The following CHAF1B variants were observed in gnomAD, a reference collection of about 807,000 sequenced individuals.
The protein encoded by CHAF1B is chromatin assembly factor 1 subunit B.
A neutral mutation model predicts 60.7 loss-of-function variants in CHAF1B; 10 were observed. The ratio of observed to expected loss-of-function variants is 0.16; its 90% CI spans 0.10 to 0.28. The LOEUF (loss-of-function observed/expected upper bound fraction) is 0.28, where lower values mean the gene tolerates loss of function less well. CHAF1B is among the 10% of genes least tolerant of loss of function. CHAF1B has a pLI of 1.00. For missense variants in CHAF1B, 558 were observed against 708.4 expected (o/e 0.79, Z 2.41); for synonymous variants, 261 against 266.1 (o/e 0.98, Z 0.19).
chr21:36,388,475 T>G (rs1489148695), intron 3 of CHAF1B, among the ~76,000 whole-genome samples: 1 of 150,392 alleles, frequency 6.6e-6, no homozygotes, highest in Non-Finnish European at 1.5e-5. Context: ...GGAGTTTTTT[T>G]TTTTTTTTTT....
intron 3 of CHAF1B, among the ~76,000 whole-genome samples, chr21:36,391,109 A>G (rs546656541): frequency 3.3e-5 from 5 of 152,204 alleles, no homozygotes; most frequent in African/African-American, 7.2e-5. Context: ...ATGCCTTCAG[A>G]TTTATTAATG....
At position 36,415,418 on chromosome 21, in the gene CHAF1B, A is replaced by C. The variant is rs367799372; in HGVS notation, c.1588+29A>C. 90 of 1,335,568 alleles carry C rather than the reference A, an allele frequency of 6.7e-5. No individual in the cohort carries two copies. In the East Asian group the frequency reaches 8.5e-4, roughly 13 times the overall value. The allele number at this position is 1,335,568 out of a possible 1,614,324, so 82.7% of individuals were successfully genotyped here. A position where few individuals can be genotyped will look rare whatever the true frequency, so the allele number is the denominator to read the frequency against. ...AGTAATATTGTTACTGGTTTAATAT[A>C]ATGAAAGGTAGAGTATCTTTTCTTT... On this transcript the variant is annotated intron_variant, in intron 13 of 13. Coordinates refer to ENST00000314103, the MANE Select transcript of CHAF1B (RefSeq NM_005441.3).
chr21:36,416,469 C>A lies in CHAF1B; in HGVS notation c.*103C>A. ...ACCAGGGCTTCCATGGAGCGGGACA[C>A]ACTGTAAATGGATTTCTATAACAGA... On this transcript the variant is annotated 3_prime_UTR_variant, in exon 14 of 14. Coordinates refer to ENST00000314103, the MANE Select transcript of CHAF1B (RefSeq NM_005441.3). 1.3e-6 allele frequency: 1 copy of A among 775,316 alleles called. No homozygotes were observed. The highest frequency in any genetic ancestry group is 2.0e-6 in the Non-Finnish European group (1 of 490,230). The allele number at this position is 775,316 out of a possible 1,614,324, so 48.0% of individuals were successfully genotyped here.
At chr21:36,391,907 ATTTTTTTTT>A (rs55920360) in intron 4 of CHAF1B, among the ~76,000 whole-genome samples, 1 of 67,052 alleles carries the variant, frequency 1.5e-5, no homozygotes, top group Non-Finnish European at 2.5e-5. Context: ...TGATTTTTAA[ATTTTTTTTT>A]TTTTTTTTTT....
intron 4 of CHAF1B, among the ~76,000 whole-genome samples, chr21:36,392,308 C>G (rs138148812): frequency 0.088 from 13,466 of 152,176 alleles, 1,205 homozygotes; most frequent in East Asian, 0.42. Flanking sequence ...AAAATGGAGT[C>G]TCCTATGTCT....
At chr21:36,410,172 A>G (rs983072796) in intron 10 of CHAF1B, among the ~76,000 whole-genome samples, 1 of 152,150 alleles carries the variant, frequency 6.6e-6, no homozygotes, top group Non-Finnish European at 1.5e-5. Context: ...CATGTTGGCC[A>G]GGCTGGTCTC....
At chr21:36,395,494 C>T (rs2086130443) in intron 5 of CHAF1B, among the ~76,000 whole-genome samples, 1 of 152,218 alleles carries the variant, frequency 6.6e-6, no homozygotes, top group Admixed American at 6.5e-5. Flanking sequence ...GTTACTGATG[C>T]TGAAGCCAGG....
At chr21:36,396,567 T>C (rs926288863) in intron 5 of CHAF1B, among the ~76,000 whole-genome samples, 1 of 150,330 alleles carries the variant, frequency 6.7e-6, no homozygotes, top group Admixed American at 6.7e-5. Flanking sequence ...GGCTGCTAAG[T>C]CTCTTGAGCC....
intron 7 of CHAF1B, among the ~76,000 whole-genome samples, chr21:36,400,943 A>T (rs960939905): frequency 7.2e-5 from 11 of 152,156 alleles, no homozygotes; most frequent in Non-Finnish European, 1.2e-4. Context: ...GGGCGCTGAC[A>T]GGCACTGAGA....
In CHAF1B at chr21:36,412,740, G is replaced by T. The variant is rs530232750; in HGVS notation, c.1062-144G>T. On this transcript the variant is annotated intron_variant, in intron 11 of 13. Transcript: ENST00000314103. ...CGCGATGAAACTGCATGAGTGAGTC[G>T]CTATCACACACTCTTTTCCAGTTGT... The T allele has an allele frequency of 2.8e-5, 20 of 717,070 alleles. No homozygotes were observed. The South Asian group carries it at 3.3e-4, about 12-fold the overall frequency. 44.4% of individuals were successfully genotyped at this position (717,070 alleles called of 1,614,324 possible).
At chr21:36,396,936 C>T (rs1466369973) in intron 5 of CHAF1B, among the ~76,000 whole-genome samples, 2 of 152,148 alleles carry the variant, frequency 1.3e-5, no homozygotes, top group African/African-American at 4.8e-5. Flanking sequence ...CTCTGTAATA[C>T]TTCTCCTTTC....
At chr21:36,408,246 T>G (rs1288204157) in intron 8 of CHAF1B, among the ~76,000 whole-genome samples, 1 of 151,732 alleles carries the variant, frequency 6.6e-6, no homozygotes, top group Non-Finnish European at 1.5e-5. Flanking sequence ...TTCCCCAGAG[T>G]GAAGTCAGGT....
chr21:36,414,111 G>A (rs967205995), intron 12 of CHAF1B, among the ~76,000 whole-genome samples: 25 of 151,746 alleles, frequency 1.6e-4, no homozygotes, highest in Admixed American at 1.6e-3. Flanking sequence ...GAGCCACTTA[G>A]CACATCCTTC....
chr21:36,394,724 C>T (rs2086123425), intron 5 of CHAF1B, 74 bp downstream of exon 5: 6 of 911,150 alleles, frequency 6.6e-6, no homozygotes, highest in Admixed American at 2.7e-5. Context: ...GTCTAACTTG[C>T]TTTAACTTTT....
At chr21:36,389,800 T>TGCGCGCGCACGC (rs2086071077) in intron 3 of CHAF1B, among the ~76,000 whole-genome samples, 1 of 124,746 alleles carries the variant, frequency 8.0e-6, no homozygotes, top group African/African-American at 3.5e-5. Flanking sequence ...TGTGTGTGTG[T>TGCGCGCGCACGC]GCGCGCGCAC....
chr21:36,410,942 G>A (rs1005688898), intron 10 of CHAF1B, among the ~76,000 whole-genome samples: 1 of 151,976 alleles, frequency 6.6e-6, no homozygotes, highest in Non-Finnish European at 1.5e-5. Context: ...AGCATATAGA[G>A]TGCAGTTATA....
Position 36,408,743 on chromosome 21 carries a change from C to T in CHAF1B, c.758-18C>T, listed in dbSNP as rs1185360622. The stretch of plus-strand genomic sequence containing the variant: ...ACAGTGACTTTTCTTTCCTCTCCCT[C>T]CCTTCCCTGTTCCCCAGCTGGATGT... On this transcript the variant is annotated intron_variant, in intron 8 of 13. Transcript: ENST00000314103. 6.3e-7 allele frequency: 1 copy of T among 1,577,996 alleles called. No homozygotes were observed. The highest frequency in any genetic ancestry group is 1.1e-5 in the South Asian group (1 of 90,042).
rs777079304 is a variant in CHAF1B at position 36,396,358 on chromosome 21, CAAAA to C, written c.482-1035_482-1032del. Among the ~76,000 whole-genome samples, 256 of 52,830 alleles carry C rather than the reference CAAAA, an allele frequency of 4.8e-3. 1 individual carries two copies. The highest frequency in any genetic ancestry group is 0.016 in the African/African-American group (240 of 14,570). 34.7% of individuals were successfully genotyped at this position (52,830 alleles called of 152,430 possible). On this transcript the variant is annotated intron_variant, in intron 5 of 13. Transcript: ENST00000314103. ...TGTTACTGAACCTCACCAAAAACCT[CAAAA>C]AAAAAAAAAAAAAAAAAAAAAGAAT...
chr21:36,387,801 G>A, intron 3 of CHAF1B, 71 bp downstream of exon 3: 2 of 1,478,120 alleles, frequency 1.4e-6, no homozygotes, highest in Non-Finnish European at 1.9e-6. Flanking sequence ...GTCAGATAGT[G>A]AGATTTGAGC....
Sources: gnomAD v4.1 joint callset for allele counts (sites outside exome capture counted in the v4.1 genomes callset) on GRCh38, gnomAD v4.1.1 for gene constraint, MANE v1.5 for transcripts, NCBI Gene and HGNC (gene_info 2026-07-23, HGNC 2026-07-21) for gene names.